The following RANBP2 variants were observed in gnomAD, a reference collection of about 807,000 sequenced individuals.
The protein encoded by RANBP2 is RAN binding protein 2, also known as E3 SUMO-protein ligase RanBP2.
RANBP2 carries 57 observed loss-of-function variants against 303.6 expected under a neutral mutation model. That is an observed-to-expected ratio of 0.19 (90% CI 0.15 to 0.23). The LOEUF (loss-of-function observed/expected upper bound fraction) is 0.23, where lower values mean the gene tolerates loss of function less well. RANBP2 is among the 10% of genes least tolerant of loss of function. The pLI is 1.00. For synonymous variants in RANBP2, 1,167 were observed against 1,301.5 expected, an observed-to-expected ratio of 0.90 and a Z score of 2.23; for missense variants, 3,138 against 3,780.8, an observed-to-expected ratio of 0.83 and a Z score of 4.46.
the RANBP2 span, among the ~76,000 whole-genome samples, chr2:109,194,233 G>A: frequency 1.5e-4 from 23 of 152,352 alleles, 1 homozygote; most frequent in East Asian, 4.4e-3. Flanking sequence ...CAGGAACTTA[G>A]CATCCATCAG....
chr2:109,596,369 G>C, the RANBP2 span, among the ~76,000 whole-genome samples: 15 of 152,134 alleles, frequency 9.9e-5, no homozygotes, highest in Non-Finnish European at 2.2e-4. Flanking sequence ...TGTAATTCCA[G>C]CAGTTTGGGA....
downstream of RANBP2, chr2:108,786,680 G>A (rs965538697): frequency 1.1e-5 from 8 of 724,292 alleles, no homozygotes; most frequent in South Asian, 3.3e-5. Flanking sequence ...GCAGTCTCCG[G>A]GTCGCCCCGC....
chr2:109,618,208 G>A, the RANBP2 span: 3 of 166,830 alleles, frequency 1.8e-5, no homozygotes, highest in Non-Finnish European at 4.4e-5. Flanking sequence ...GTAGTCATTT[G>A]TTCTAAATCT....
At chr2:109,249,536 C>CTTTCT in the RANBP2 span, among the ~76,000 whole-genome samples, 159 of 74,080 alleles carry the variant, frequency 2.1e-3, 1 homozygote, top group Non-Finnish European at 2.5e-3. Context: ...TCTTTCTTTC[C>CTTTCT]TTCCTTCCTT....
chr2:109,619,570 A>G, the RANBP2 span, among the ~76,000 whole-genome samples: 55 of 152,298 alleles, frequency 3.6e-4, no homozygotes, highest in African/African-American at 1.3e-3. Flanking sequence ...CTATTGCTCT[A>G]TCCGGGAGAT....
the RANBP2 span, among the ~76,000 whole-genome samples, chr2:109,332,264 C>T: frequency 0.34 from 52,082 of 152,022 alleles, 11,323 homozygotes; most frequent in Non-Finnish European, 0.48. Context: ...CCTGCTGATC[C>T]GTCTGTTTCC....
chr2:108,925,402 G>A, the RANBP2 span, among the ~76,000 whole-genome samples: 1 of 152,226 alleles, frequency 6.6e-6, no homozygotes, highest in South Asian at 2.1e-4. Flanking sequence ...CACGGCGGAT[G>A]CACAACACCC....
the RANBP2 span, chr2:108,912,813 C>A: frequency 2.7e-6 from 4 of 1,462,684 alleles, no homozygotes; most frequent in Non-Finnish European, 3.7e-6. Context: ...GCTCCACCTT[C>A]AAAGACGCTG....
At chr2:109,640,562 C>T in the RANBP2 span, among the ~76,000 whole-genome samples, 43 of 152,232 alleles carry the variant, frequency 2.8e-4, no homozygotes, top group African/African-American at 9.9e-4. Flanking sequence ...TTTCAGGGTC[C>T]CTTTTCTGGA....
At chr2:109,727,466 C>CT in the RANBP2 span, among the ~76,000 whole-genome samples, 2 of 152,214 alleles carry the variant, frequency 1.3e-5, no homozygotes, top group African/African-American at 4.8e-5. Context: ...AGTCCGTATC[C>CT]TGGAAGTCTG....
the RANBP2 span, among the ~76,000 whole-genome samples, chr2:109,279,920 T>C: frequency 6.7e-5 from 10 of 149,542 alleles, no homozygotes; most frequent in African/African-American, 2.5e-4. Context: ...GGGAGGTAAT[T>C]GGGGGGCGGT....
the RANBP2 span, among the ~76,000 whole-genome samples, chr2:109,071,550 T>G: frequency 6.6e-6 from 1 of 152,118 alleles, no homozygotes; most frequent in Non-Finnish European, 1.5e-5. Flanking sequence ...GGTGTGCACC[T>G]GTAATCCCAG....
chr2:109,115,241 C>CA, the RANBP2 span, among the ~76,000 whole-genome samples: 1 of 152,160 alleles, frequency 6.6e-6, no homozygotes, highest in Non-Finnish European at 1.5e-5. Flanking sequence ...GTTAAAGTCT[C>CA]CCATTATTAT....
chr2:109,407,919 A>T, the RANBP2 span, among the ~76,000 whole-genome samples: 1 of 152,128 alleles, frequency 6.6e-6, no homozygotes, highest in Non-Finnish European at 1.5e-5. Flanking sequence ...AAGCTTACCA[A>T]TCACAGTGCA....
At chr2:109,161,428 T>A in the RANBP2 span, among the ~76,000 whole-genome samples, 1 of 152,122 alleles carries the variant, frequency 6.6e-6, no homozygotes, top group South Asian at 2.1e-4. Flanking sequence ...GGGAATGTGA[T>A]GCTTCCTGAT....
At chr2:108,920,893 G>A in the RANBP2 span, among the ~76,000 whole-genome samples, 10 of 152,158 alleles carry the variant, frequency 6.6e-5, no homozygotes, top group Admixed American at 2.6e-4. Context: ...GGAGCTGCCC[G>A]GGGCAGGAGA....
chr2:108,896,766 TG>T, the RANBP2 span: 2 of 793,496 alleles, frequency 2.5e-6, no homozygotes, highest in Non-Finnish European at 3.9e-6. Flanking sequence ...TTATTTCGTC[TG>T]GCTCCTTGAA....
chr2:109,766,233 G>A, the RANBP2 span, among the ~76,000 whole-genome samples: 1 of 151,418 alleles, frequency 6.6e-6, no homozygotes, highest in South Asian at 2.1e-4. Flanking sequence ...CCAGGGCTAG[G>A]GCTGTGGGCA....
the RANBP2 span, among the ~76,000 whole-genome samples, chr2:109,151,432 C>A: frequency 6.6e-6 from 1 of 152,164 alleles, no homozygotes; most frequent in Non-Finnish European, 1.5e-5. Context: ...CAAAGCAGCA[C>A]CATCCAATAC....
Sources: gnomAD v4.1 joint callset for allele counts (sites outside exome capture counted in the v4.1 genomes callset) on GRCh38, gnomAD v4.1.1 for gene constraint, MANE v1.5 for transcripts, NCBI Gene and HGNC (gene_info 2026-07-23, HGNC 2026-07-21) for gene names.